Variants in PSPC1 observed in about 807,000 individuals in gnomAD.
PSPC1 encodes paraspeckle component 1, also known as paraspeckle protein 1.
A neutral mutation model predicts 51.6 loss-of-function variants in PSPC1; 14 were observed. The observed-to-expected ratio is 0.27, with a 90% CI of 0.18 to 0.42. The LOEUF is 0.42. Among genes scored for constraint, PSPC1 ranks in the 10% least tolerant of loss-of-function variants. The pLI, the probability that PSPC1 is intolerant of heterozygous loss-of-function variation, is 1.00. For missense variants in PSPC1, 406 were observed against 701.1 expected (o/e 0.58, Z 4.75); for synonymous variants, 193 against 231.9 (o/e 0.83, Z 1.53).
intron 1 of PSPC1, among the ~76,000 whole-genome samples, chr13:19,779,536 G>A (rs1445887531): frequency 5.0e-4 from 5 of 9,914 alleles, no homozygotes; most frequent in Admixed American, 4.2e-3. Flanking sequence ...CCGGCCAGCC[G>A]CCCCGTCCCG....
intron 2 of PSPC1, among the ~76,000 whole-genome samples, chr13:19,761,046 G>A (rs564459428): frequency 6.6e-6 from 1 of 151,980 alleles, no homozygotes; most frequent in East Asian, 1.9e-4. Flanking sequence ...TCAGGAGGCT[G>A]AGGTGGGAAG....
chr13:19,705,208 A>G (rs1349899510), intron 8 of PSPC1, among the ~76,000 whole-genome samples: 1 of 152,242 alleles, frequency 6.6e-6, no homozygotes, highest in Non-Finnish European at 1.5e-5. Flanking sequence ...CTTAAAAACT[A>G]TCTCAGCTGG....
chr13:19,750,234 T>C (rs1436047680), intron 4 of PSPC1, among the ~76,000 whole-genome samples: 1 of 152,052 alleles, frequency 6.6e-6, no homozygotes, highest in Non-Finnish European at 1.5e-5. Context: ...CAGGCAGCTG[T>C]GGTACCTTGA....
downstream of PSPC1, among the ~76,000 whole-genome samples, chr13:19,673,870 T>C (rs1876321602): frequency 6.6e-6 from 1 of 152,228 alleles, no homozygotes; most frequent in Non-Finnish European, 1.5e-5. Flanking sequence ...CATTTAGAAG[T>C]ACAGGTCAAG....
At chr13:19,728,191 T>A (rs4052795) in intron 6 of PSPC1, among the ~76,000 whole-genome samples, 3,667 of 152,256 alleles carry the variant, frequency 0.024, 67 homozygotes, top group Non-Finnish European at 0.03. Flanking sequence ...TTACATGAAA[T>A]TATTATTTAA....
chr13:19,720,036 T>C (rs1053255239), intron 6 of PSPC1, among the ~76,000 whole-genome samples: 12 of 152,200 alleles, frequency 7.9e-5, no homozygotes, highest in African/African-American at 1.2e-4. Flanking sequence ...CCAGTTTCAA[T>C]TGTCAGGTGT....
chr13:19,780,117 G>A (rs1593798777), intron 1 of PSPC1, among the ~76,000 whole-genome samples: 2 of 58,660 alleles, frequency 3.4e-5, no homozygotes, highest in Non-Finnish European at 7.9e-5. Flanking sequence ...CCGGCCAGCC[G>A]CCCCGTCCGG....
intron 7 of PSPC1, chr13:19,675,101 C>T (rs1011899411): frequency 6.5e-6 from 1 of 152,948 alleles, no homozygotes; most frequent in Non-Finnish European, 1.5e-5. Flanking sequence ...CGCCACCACG[C>T]ATCCCCGCAG....
intron 4 of PSPC1, among the ~76,000 whole-genome samples, chr13:19,747,109 A>C (rs1886076457): frequency 6.6e-6 from 1 of 152,192 alleles, no homozygotes; most frequent in South Asian, 2.1e-4. Context: ...ACTCCGTCTC[A>C]AAAAAATAAA....
intron 7 of PSPC1, among the ~76,000 whole-genome samples, chr13:19,708,729 T>C (rs1217474666): frequency 2.0e-5 from 3 of 152,154 alleles, no homozygotes; most frequent in African/African-American, 7.2e-5. Flanking sequence ...AGGAAAAAAG[T>C]TCAATATTCA....
At chr13:19,678,695 A>G (rs1259977070) in intron 6 of PSPC1, 1 of 152,200 alleles carries the variant, frequency 6.6e-6, no homozygotes, top group African/African-American at 2.4e-5. Context: ...GGATCCACAG[A>G]TACCCTAATG....
rs570474768 is a variant in PSPC1, at chr13:19,730,227, T to C, written c.1158+12A>G. On this transcript the variant is annotated intron_variant, in intron 6 of 8. Coordinates refer to ENST00000338910, the MANE Select transcript of PSPC1 (RefSeq NM_001354909.2). ...ATATAAAATCATTTTAGTTAACTAG[T>C]AGTTTACTTACATTTTCCATGTAGT... The C allele has an allele frequency of 8.8e-6, 14 of 1,599,558 alleles. No individual in the cohort carries two copies. The African/African-American group carries it at 1.5e-4, about 17-fold the overall frequency.
chr13:19,740,343 CA>C (rs879686651), intron 5 of PSPC1, among the ~76,000 whole-genome samples: 191 of 130,256 alleles, frequency 1.5e-3, no homozygotes, highest in Middle Eastern at 4.0e-3. Flanking sequence ...AACTCCCTCT[CA>C]AAAAAAAAAA....
intron 5 of PSPC1, among the ~76,000 whole-genome samples, chr13:19,739,214 T>C (rs748215336): frequency 1.3e-5 from 2 of 152,174 alleles, no homozygotes; most frequent in Non-Finnish European, 2.9e-5. Flanking sequence ...CCTACCCCCT[T>C]TCAATGTGAT....
intron 6 of PSPC1, among the ~76,000 whole-genome samples, chr13:19,716,726 G>T (rs1421737529): frequency 6.6e-6 from 1 of 151,522 alleles, no homozygotes; most frequent in Non-Finnish European, 1.5e-5. Context: ...TAATCAATTA[G>T]GAATATCTAA....
chr13:19,675,109 C>T (rs1025103358), intron 7 of PSPC1: 2 of 152,950 alleles, frequency 1.3e-5, no homozygotes, highest in Non-Finnish European at 2.9e-5. Flanking sequence ...CGCATCCCCG[C>T]AGCACACACT....
intron 6 of PSPC1, among the ~76,000 whole-genome samples, chr13:19,684,737 T>G (rs1169429272): frequency 6.6e-6 from 1 of 152,190 alleles, no homozygotes; most frequent in Non-Finnish European, 1.5e-5. Flanking sequence ...GGAAAACAGG[T>G]GCTAAGCCGA....
At chr13:19,690,482 C>G (rs1055240180) in intron 6 of PSPC1, among the ~76,000 whole-genome samples, 34 of 152,248 alleles carry the variant, frequency 2.2e-4, no homozygotes, top group African/African-American at 8.2e-4. Flanking sequence ...GAGAGAAAAA[C>G]AAATACAGAA....
intron 7 of PSPC1, among the ~76,000 whole-genome samples, chr13:19,677,028 A>T (rs763079290): frequency 1.4e-4 from 22 of 152,096 alleles, no homozygotes; most frequent in Non-Finnish European, 2.5e-4. Flanking sequence ...AAGTCAGGAG[A>T]TCGAGACCAT....
Sources: gnomAD v4.1 joint callset for allele counts (sites outside exome capture counted in the v4.1 genomes callset) on GRCh38, gnomAD v4.1.1 for gene constraint, MANE v1.5 for transcripts, NCBI Gene and HGNC (gene_info 2026-07-23, HGNC 2026-07-21) for gene names.